Variants in CCDC181 observed in about 807,000 individuals in gnomAD.
CCDC181 encodes coiled-coil domain containing 181.
A neutral mutation model predicts 58.7 loss-of-function variants in CCDC181; 35 were observed. That is an observed-to-expected ratio of 0.60 (90% CI 0.46 to 0.79). The LOEUF (loss-of-function observed/expected upper bound fraction) is 0.79. Ranked by LOEUF, CCDC181 falls within the 30% of genes least tolerant of loss-of-function variation. The pLI is 0.00. For missense variants in CCDC181, 517 were observed against 583.9 expected (o/e 0.89, Z 1.18); for synonymous variants, 183 against 197.5 (o/e 0.93, Z 0.62).
chr1:169,395,012 TAGC>T lies in CCDC181; in HGVS notation c.*32_*34del, dbSNP rs1312902094. The T allele has an allele frequency of 2.0e-6, 3 of 1,536,818 alleles. No individual in the cohort carries two copies. The East Asian group carries it at 7.0e-5, about 36-fold the overall frequency. ...TAAGAAATCATATCCAAAATTTTGA[TAGC>T]AGCTGCCCACTGAAATATTTAATAG... On this transcript the variant is annotated 3_prime_UTR_variant, in exon 6 of 6. Transcript: ENST00000367806.
chr1:169,447,259 C>T (rs1370516128), intron 2 of CCDC181, among the ~76,000 whole-genome samples: 1 of 152,032 alleles, frequency 6.6e-6, no homozygotes, highest in Non-Finnish European at 1.5e-5. Context: ...ATTACAGGTA[C>T]CCACCATCAC....
At position 169,403,977 on chromosome 1, in the gene CCDC181, G is replaced by T. The variant is rs543768378; in HGVS notation, c.1216-6586C>A. On this transcript the variant is annotated intron_variant, in intron 4 of 5. Coordinates refer to ENST00000367806, the MANE Select transcript of CCDC181 (RefSeq NM_001300969.2). ...AGATGCAATAAAAATTGATAAAGGGGATATCACCACCGATCCCACAGAAAT... is the reference window on the plus strand; with the variant it reads ...AGATGCAATAAAAATTGATAAAGGGTATATCACCACCGATCCCACAGAAAT... 1.7e-4 allele frequency among the ~76,000 whole-genome samples: 26 copies of T among 152,172 alleles called. 1 individual carries two copies. Among genetic ancestry groups the T allele is most frequent in the Middle Eastern group, 3.4e-3 (1 of 294 alleles).
At chr1:169,425,447 T>C (rs1184464683) in intron 1 of CCDC181, among the ~76,000 whole-genome samples, 1 of 152,134 alleles carries the variant, frequency 6.6e-6, no homozygotes, top group Non-Finnish European at 1.5e-5. Context: ...TAGATACTTA[T>C]TTATTTTAAA....
Position 169,419,134 on chromosome 1 carries a change from T to A in CCDC181, c.1094A>T (p.Glu365Val). The change falls in exon 4 of 6, where the codon GAG becomes GTG. Residue 365 changes from glutamate to valine, a missense_variant. Glu to Val is a moderately radical substitution (Grantham distance 121, BLOSUM62 -2). Transcript: ENST00000367806. Reference sequence around the variant, plus strand: ...GTCATTCTCTCTCTTTTTTTCTTTCTCTTCTTCTATTTTTCGTCGCTCTTC... The same window carrying A: ...GTCATTCTCTCTCTTTTTTTCTTTCACTTCTTCTATTTTTCGTCGCTCTTC... ...REEERRKIEE[E>V]KEKKRENDIV... 6.2e-7 allele frequency: 1 copy of A among 1,603,380 alleles called. No individual in the cohort carries two copies. The highest frequency in any genetic ancestry group is 1.1e-5 in the South Asian group (1 of 88,210).
upstream of CCDC181, among the ~76,000 whole-genome samples, chr1:169,431,003 C>A (rs1249962800): frequency 6.6e-6 from 1 of 152,186 alleles, no homozygotes; most frequent in African/African-American, 2.4e-5. Flanking sequence ...GGGGTACTTT[C>A]AATTTCCCAT....
At chr1:169,398,027 C>T (rs1282698410) in intron 4 of CCDC181, among the ~76,000 whole-genome samples, 1 of 152,120 alleles carries the variant, frequency 6.6e-6, no homozygotes, top group Non-Finnish European at 1.5e-5. Flanking sequence ...CAAATATGCT[C>T]TAGTCTAATT....
At chr1:169,398,265 T>A (rs549127230) in intron 4 of CCDC181, among the ~76,000 whole-genome samples, 1 of 152,292 alleles carries the variant, frequency 6.6e-6, no homozygotes, top group South Asian at 2.1e-4. Context: ...AACAATACCG[T>A]ATATTTCAAA....
At chr1:169,401,655 CCAT>C (rs1200090993) in intron 4 of CCDC181, among the ~76,000 whole-genome samples, 5 of 152,122 alleles carry the variant, frequency 3.3e-5, no homozygotes, top group Non-Finnish European at 7.4e-5. Flanking sequence ...CTGTACATCA[CCAT>C]CGTCAAAGAC....
At chr1:169,441,811 G>T (rs1657236995) in intron 2 of CCDC181, among the ~76,000 whole-genome samples, 1 of 151,770 alleles carries the variant, frequency 6.6e-6, no homozygotes, top group Admixed American at 6.6e-5. Context: ...CAAGGACTAT[G>T]AGATTTTACA....
Position 169,397,334 on chromosome 1 carries a change from C to G in CCDC181, c.1273G>C (p.Glu425Gln), listed in dbSNP as rs771422005. The G allele has an allele frequency of 1.2e-6, 2 of 1,611,044 alleles. No homozygotes were observed. The highest frequency in any genetic ancestry group is 1.7e-6 in the Non-Finnish European group (2 of 1,178,688). Residue 425 changes from glutamate to glutamine, a missense_variant, in exon 5 of 6, where the codon GAG (glutamate) becomes CAG (glutamine). Glu to Gln is a conservative substitution (Grantham distance 29). Transcript: ENST00000367806. ...TCTGTCTGTCTTTCTTTCATCTGCT[C>G]TTCGTGCTTTTTTTTAAGCCATAAT... ...FRLWLKKKHE[E>Q]QMKERQTEEL...
intron 4 of CCDC181, among the ~76,000 whole-genome samples, chr1:169,404,858 G>A (rs1655562408): frequency 6.6e-6 from 1 of 152,172 alleles, no homozygotes; most frequent in Admixed American, 6.5e-5. Context: ...TAGGAAAAGA[G>A]GAAGTCAAAT....
chr1:169,402,909 C>T (rs879296356), intron 4 of CCDC181, among the ~76,000 whole-genome samples: 8 of 151,690 alleles, frequency 5.3e-5, no homozygotes, highest in Admixed American at 5.2e-4. Context: ...ATTCAGGATA[C>T]CCATGTGCAG....
At chr1:169,447,859 C>T (rs1005052109) in intron 2 of CCDC181, among the ~76,000 whole-genome samples, 4 of 152,038 alleles carry the variant, frequency 2.6e-5, no homozygotes, top group African/African-American at 7.2e-5. Flanking sequence ...TATCTTTTTC[C>T]ATCCCTTTAA....
intron 2 of CCDC181, among the ~76,000 whole-genome samples, chr1:169,455,285 C>T (rs1456874866): frequency 6.6e-6 from 1 of 151,844 alleles, no homozygotes; most frequent in Non-Finnish European, 1.5e-5. Context: ...AATTTGTAAA[C>T]AAGTCCTAAT....
intron 4 of CCDC181, among the ~76,000 whole-genome samples, chr1:169,418,386 TG>T (rs571902023): frequency 6.6e-6 from 1 of 152,228 alleles, no homozygotes; most frequent in South Asian, 2.1e-4. Context: ...ACTTTTGACA[TG>T]TAAATATATA....
chr1:169,422,002 C>T lies in CCDC181; in HGVS notation c.429G>A (p.Pro143=), dbSNP rs773653322. ...GTTTTCGCTCCCTTTTATCATTCACCGGTTCTTGATTCTGTAGAAGCTTGT... is the reference window on the plus strand; with the variant it reads ...GTTTTCGCTCCCTTTTATCATTCACTGGTTCTTGATTCTGTAGAAGCTTGT... ...QANKLLQNQE[P]VNDKRERKLK... is the part of the protein sequence containing the mutation. The change falls in exon 3 of 6, where the codon CCG becomes CCA. Residue 143 remains proline, a synonymous_variant. Coordinates refer to ENST00000367806, the MANE Select transcript of CCDC181 (RefSeq NM_001300969.2). 8.1e-6 allele frequency: 13 copies of T among 1,614,010 alleles called. No individual in the cohort carries two copies. The highest frequency in any genetic ancestry group is 6.6e-5 in the South Asian group (6 of 91,072).
intron 4 of CCDC181, among the ~76,000 whole-genome samples, chr1:169,418,478 G>A (rs1656310733): frequency 6.6e-6 from 1 of 151,342 alleles, no homozygotes; most frequent in Non-Finnish European, 1.5e-5. Context: ...GGAGCTTAGG[G>A]TTAAATTTTC....
intron 4 of CCDC181, among the ~76,000 whole-genome samples, chr1:169,400,404 A>T (rs1042919891): frequency 3.3e-5 from 5 of 152,212 alleles, no homozygotes; most frequent in African/African-American, 1.2e-4. Flanking sequence ...ATATTTCCTT[A>T]CAACTTTTAT....
At chr1:169,398,779 G>A (rs1655188349) in intron 4 of CCDC181, among the ~76,000 whole-genome samples, 1 of 152,198 alleles carries the variant, frequency 6.6e-6, no homozygotes. Flanking sequence ...ACAGTGTTCT[G>A]CACAGACAGG....
Sources: allele counts gnomAD v4.1 joint callset (sites outside exome capture counted in the v4.1 genomes callset), GRCh38; gene constraint gnomAD v4.1.1; transcripts MANE v1.5; gene names NCBI Gene and HGNC (gene_info 2026-07-23, HGNC 2026-07-21).